THRB: variants seen among roughly 807,000 people sequenced by gnomAD.
The protein encoded by THRB is thyroid hormone receptor beta, also known as nuclear receptor subfamily 1 group A member 2.
THRB carries 12 observed loss-of-function variants against 47.8 expected under a neutral mutation model. That is an observed-to-expected ratio of 0.25 (90% CI 0.16 to 0.41). The LOEUF is 0.41. Among genes scored for constraint, THRB ranks in the 10% least tolerant of loss-of-function variants. The probability of loss-of-function intolerance (pLI) is 1.00; values close to 1 mark genes in which losing one functional copy is unlikely to be tolerated. For missense variants in THRB, 348 were observed against 589.2 expected, an observed-to-expected ratio of 0.59 and a Z score of 4.24; for synonymous variants, 218 against 212.2, an observed-to-expected ratio of 1.03 and a Z score of -0.24.
chr3:24,242,407 C>A (rs889305011), intron 3 of THRB, among the ~76,000 whole-genome samples: 1 of 151,990 alleles, frequency 6.6e-6, no homozygotes, highest in African/African-American at 2.4e-5. Context: ...GTACTTGTAC[C>A]GATGCAACAC....
intron 5 of THRB, among the ~76,000 whole-genome samples, chr3:24,184,424 A>C (rs1200931744): frequency 2.6e-5 from 4 of 152,228 alleles, no homozygotes; most frequent in Non-Finnish European, 5.9e-5. Context: ...GGGGTGGTCC[A>C]TCCTCTGCTC....
intron 3 of THRB, among the ~76,000 whole-genome samples, chr3:24,244,939 T>C (rs953682370): frequency 6.6e-6 from 1 of 152,216 alleles, no homozygotes; most frequent in African/African-American, 2.4e-5. Context: ...GAAACTTTCT[T>C]TCTGCTCTTC....
chr3:24,400,135 T>C (rs934045368), intron 1 of THRB, among the ~76,000 whole-genome samples: 9 of 152,080 alleles, frequency 5.9e-5, no homozygotes, highest in African/African-American at 1.9e-4. Flanking sequence ...AGGTGGTTAT[T>C]AGTGGATAGG....
intron 2 of THRB, among the ~76,000 whole-genome samples, chr3:24,312,407 C>T (rs1428315072): frequency 1.3e-5 from 2 of 152,204 alleles, no homozygotes; most frequent in East Asian, 3.8e-4. Context: ...TGTACTTCCT[C>T]ATAGGTGGGA....
At chr3:24,401,827 A>G (rs1259563435) in intron 1 of THRB, among the ~76,000 whole-genome samples, 1 of 151,974 alleles carries the variant, frequency 6.6e-6, no homozygotes, top group African/African-American at 2.4e-5. Flanking sequence ...AAGACGCTCT[A>G]GGGTAGGGGG....
chr3:24,128,929 TGA>T (rs1206997930), intron 9 of THRB, among the ~76,000 whole-genome samples: 1 of 139,840 alleles, frequency 7.2e-6, no homozygotes, highest in Non-Finnish European at 1.5e-5. Context: ...AACAAATATG[TGA>T]GTTACACCTA....
chr3:24,229,109 T>C, intron 3 of THRB, 108 bp from the exon 4 acceptor site: 1 of 734,822 alleles, frequency 1.4e-6, no homozygotes, highest in Non-Finnish European at 2.4e-6. Context: ...GCAATATTTG[T>C]TACTCTCAAC....
At chr3:24,152,788 C>T (rs2149108358) in intron 5 of THRB, among the ~76,000 whole-genome samples, 1 of 151,952 alleles carries the variant, frequency 6.6e-6, no homozygotes, top group African/African-American at 2.4e-5. Flanking sequence ...TGGCAAAACC[C>T]TCTCTCTACT....
intron 1 of THRB, among the ~76,000 whole-genome samples, chr3:24,369,898 G>A (rs1435701889): frequency 6.6e-6 from 1 of 152,118 alleles, no homozygotes; most frequent in South Asian, 2.1e-4. Context: ...TCATTCCAAA[G>A]TTTTAGGAAC....
chr3:24,413,355 G>A (rs1388926830), intron 1 of THRB, among the ~76,000 whole-genome samples: 3 of 151,710 alleles, frequency 2.0e-5, no homozygotes, highest in African/African-American at 7.3e-5. Context: ...CCAAAAATAT[G>A]TCCACATTCT....
chr3:24,446,801 C>T (rs893786505), intron 1 of THRB, among the ~76,000 whole-genome samples: 2 of 152,088 alleles, frequency 1.3e-5, no homozygotes, highest in African/African-American at 2.4e-5. Flanking sequence ...ATGTCCATAG[C>T]TTTATCCTGA....
intron 8 of THRB, 67 bp from the exon 9 acceptor site, chr3:24,133,529 T>A: frequency 1.4e-6 from 2 of 1,456,492 alleles, no homozygotes; most frequent in Non-Finnish European, 1.9e-6. Flanking sequence ...TCATAGTTCT[T>A]ATGTGGCAGA....
At chr3:24,298,258 G>A (rs1420102632) in intron 2 of THRB, among the ~76,000 whole-genome samples, 1 of 152,116 alleles carries the variant, frequency 6.6e-6, no homozygotes, top group Non-Finnish European at 1.5e-5. Flanking sequence ...ATCACAAATT[G>A]TGTCACTGGC....
rs2072532591 is a variant in THRB, at chr3:24,450,381, G to GT, written c.-261+44270dup. On this transcript the variant is annotated intron_variant, in intron 1 of 10. Transcript: ENST00000646209. ...CTCACAAAAGCTGATATGCCCTGAC[G>GT]TTTATTTCCTCTGAACATTTACTTA... Among the ~76,000 whole-genome samples the GT allele has an allele frequency of 2.6e-5, 4 of 152,150 alleles. No individual in the cohort carries two copies. The South Asian group carries it at 8.3e-4, about 32-fold the overall frequency.
intron 2 of THRB, among the ~76,000 whole-genome samples, chr3:24,326,525 C>G (rs947012687): frequency 6.6e-6 from 1 of 152,112 alleles, no homozygotes; most frequent in Admixed American, 6.5e-5. Context: ...CATGAGTCAC[C>G]GTTCCCGGCC....
chr3:24,371,045 C>T (rs2149744729), intron 1 of THRB, among the ~76,000 whole-genome samples: 1 of 152,214 alleles, frequency 6.6e-6, no homozygotes, highest in South Asian at 2.1e-4. Flanking sequence ...AAGAAACTTG[C>T]ACCAAGTCAG....
intron 1 of THRB, among the ~76,000 whole-genome samples, chr3:24,469,254 G>A (rs752307632): frequency 8.5e-5 from 13 of 152,138 alleles, no homozygotes; most frequent in Non-Finnish European, 1.6e-4. Context: ...AGCTGGATCC[G>A]TCTTGGATTT....
At chr3:24,139,675 T>C (rs2035184064) in intron 8 of THRB, among the ~76,000 whole-genome samples, 1 of 152,196 alleles carries the variant, frequency 6.6e-6, no homozygotes, top group South Asian at 2.1e-4. Context: ...CATGAGCCAC[T>C]GTGGCCAGCC....
intron 2 of THRB, among the ~76,000 whole-genome samples, chr3:24,326,311 C>T (rs2061590552): frequency 6.6e-6 from 1 of 152,214 alleles, no homozygotes; most frequent in South Asian, 2.1e-4. Flanking sequence ...TCTCGGCTCA[C>T]TGCAACCTCC....
Sources: allele counts gnomAD v4.1 joint callset (sites outside exome capture counted in the v4.1 genomes callset), GRCh38; gene constraint gnomAD v4.1.1; transcripts MANE v1.5; gene names NCBI Gene and HGNC (gene_info 2026-07-23, HGNC 2026-07-21).